ANGPT1: variants seen among roughly 807,000 people sequenced by gnomAD.
ANGPT1 encodes angiopoietin 1.
In ANGPT1, 17 loss-of-function variants were observed where a neutral mutation model predicts 62.2. The ratio of observed to expected loss-of-function variants is 0.27; its 90% CI spans 0.19 to 0.41. ANGPT1 has a LOEUF of 0.41. ANGPT1 is among the 10% of genes least tolerant of loss of function. ANGPT1 has a pLI of 1.00. For synonymous variants in ANGPT1, 199 were observed against 198.9 expected (o/e 1.00, Z 0.00); for missense variants, 478 against 594.9 (o/e 0.80, Z 2.04).
chr8:107,321,005 C>T (rs1586220778), intron 4 of ANGPT1, among the ~76,000 whole-genome samples: 1 of 152,088 alleles, frequency 6.6e-6, no homozygotes, highest in African/African-American at 2.4e-5. Flanking sequence ...TTCTCTTTCA[C>T]TCATCACCAT....
At chr8:107,413,346 C>G (rs1194868895) in intron 1 of ANGPT1, among the ~76,000 whole-genome samples, 1 of 152,082 alleles carries the variant, frequency 6.6e-6, no homozygotes, top group Non-Finnish European at 1.5e-5. Context: ...CCCCAGCCTT[C>G]CTGCCTCGAA....
At chr8:107,398,517 T>G (rs887940610) in intron 1 of ANGPT1, among the ~76,000 whole-genome samples, 1 of 136,062 alleles carries the variant, frequency 7.3e-6, no homozygotes, top group Non-Finnish European at 1.6e-5. Flanking sequence ...TTTTTTTTTT[T>G]GCTAAGTGTG....
Position 107,363,396 on chromosome 8 carries a change from G to A in ANGPT1, c.298-16299C>T, listed in dbSNP as rs116168126. ...ATACAGTTATCAATAAGAAGACAAT[G>A]AACAGCTAATACTAGCCACCATATT... On this transcript the variant is annotated intron_variant, in intron 1 of 8. Coordinates refer to ENST00000517746, the MANE Select transcript of ANGPT1 (RefSeq NM_001146.5). Among the ~76,000 whole-genome samples, 587 of 152,300 alleles carry A rather than the reference G, an allele frequency of 3.9e-3. 6 individuals carry two copies. The highest frequency in any genetic ancestry group is 0.014 in the African/African-American group (565 of 41,570).
chr8:107,448,126 G>A (rs1811667287), intron 1 of ANGPT1, among the ~76,000 whole-genome samples: 1 of 152,062 alleles, frequency 6.6e-6, no homozygotes, highest in African/African-American at 2.4e-5. Context: ...AATGAACTGT[G>A]GTATGGTATG....
At chr8:107,455,725 T>C (rs1811902911) in intron 1 of ANGPT1, among the ~76,000 whole-genome samples, 1 of 152,062 alleles carries the variant, frequency 6.6e-6, no homozygotes, top group Non-Finnish European at 1.5e-5. Flanking sequence ...TTGTTAAATA[T>C]TCCTTACCTG....
chr8:107,437,850 G>A (rs1362293289), intron 1 of ANGPT1, among the ~76,000 whole-genome samples: 1 of 152,056 alleles, frequency 6.6e-6, no homozygotes, highest in Non-Finnish European at 1.5e-5. Flanking sequence ...AAAAACTTTA[G>A]TGAAATTCAG....
At chr8:107,381,752 T>C (rs1654724) in intron 1 of ANGPT1, among the ~76,000 whole-genome samples, 72,137 of 151,666 alleles carry the variant, frequency 0.48, 18,957 homozygotes, top group Non-Finnish European at 0.59. Context: ...GACAACTGTA[T>C]ACTGGGACAG....
intron 4 of ANGPT1, among the ~76,000 whole-genome samples, chr8:107,316,953 GGT>G (rs1815027792): frequency 6.6e-6 from 1 of 152,106 alleles, no homozygotes; most frequent in Non-Finnish European, 1.5e-5. Context: ...TGCTAGACAT[GGT>G]AACTCCCTCA....
chr8:107,428,612 G>A (rs1035897658), intron 1 of ANGPT1, among the ~76,000 whole-genome samples: 1 of 151,150 alleles, frequency 6.6e-6, no homozygotes, highest in Non-Finnish European at 1.5e-5. Flanking sequence ...TATTGTAGTA[G>A]TGCTGGTAGT....
intron 1 of ANGPT1, among the ~76,000 whole-genome samples, chr8:107,373,330 T>C (rs778020446): frequency 6.6e-6 from 1 of 151,946 alleles, no homozygotes; most frequent in Non-Finnish European, 1.5e-5. Flanking sequence ...AACATACAAA[T>C]TTTGAAGGAA....
intron 1 of ANGPT1, among the ~76,000 whole-genome samples, chr8:107,368,454 T>A (rs1816321955): frequency 6.7e-6 from 1 of 149,644 alleles, no homozygotes; most frequent in Admixed American, 6.7e-5. Context: ...AAATGAGTAT[T>A]CCTTATACTT....
chr8:107,362,352 T>C (rs888423194), intron 1 of ANGPT1, among the ~76,000 whole-genome samples: 2 of 152,206 alleles, frequency 1.3e-5, no homozygotes, highest in Non-Finnish European at 2.9e-5. Context: ...GTAAAAAATA[T>C]ACTCAAAGTT....
At chr8:107,326,792 T>C (rs1286141467) in intron 3 of ANGPT1, among the ~76,000 whole-genome samples, 1 of 152,170 alleles carries the variant, frequency 6.6e-6, no homozygotes, top group Non-Finnish European at 1.5e-5. Context: ...CAGACCCTCA[T>C]GGATAGGTAA....
At chr8:107,450,741 T>C (rs1251727536) in intron 1 of ANGPT1, among the ~76,000 whole-genome samples, 1 of 151,338 alleles carries the variant, frequency 6.6e-6, no homozygotes, top group African/African-American at 2.4e-5. Context: ...CATGTGTGCA[T>C]GTGAATATAT....
intron 4 of ANGPT1, among the ~76,000 whole-genome samples, chr8:107,313,429 GTTTTTTTTTTTT>G (rs71308720): frequency 9.3e-5 from 6 of 64,182 alleles, no homozygotes; most frequent in African/African-American, 1.9e-4. Context: ...GTTACTAGTT[GTTTTTTTTTTTT>G]TTTTTTTTTT....
chr8:107,374,937 G>A (rs560683904), intron 1 of ANGPT1, among the ~76,000 whole-genome samples: 69 of 152,224 alleles, frequency 4.5e-4, no homozygotes, highest in South Asian at 2.3e-3. Context: ...CGAGGAGGGC[G>A]GATCACGAGG....
chr8:107,387,639 C>T (rs1586279870), intron 1 of ANGPT1, among the ~76,000 whole-genome samples: 1 of 112,808 alleles, frequency 8.9e-6, no homozygotes, highest in African/African-American at 2.8e-5. Context: ...TTGACACTAA[C>T]ATTGATTATT....
chr8:107,405,565 T>TTA (rs1817133012), intron 1 of ANGPT1, among the ~76,000 whole-genome samples: 1 of 151,986 alleles, frequency 6.6e-6, no homozygotes, highest in Non-Finnish European at 1.5e-5. Context: ...CAGGCTCTGT[T>TTA]TATAAGGTGT....
chr8:107,472,561 G>A (rs1282006960), intron 1 of ANGPT1, among the ~76,000 whole-genome samples: 1 of 151,954 alleles, frequency 6.6e-6, no homozygotes. Flanking sequence ...AATAAGAAAT[G>A]GCTATAATTT....
Sources: allele counts gnomAD v4.1 joint callset (sites outside exome capture counted in the v4.1 genomes callset), GRCh38; gene constraint gnomAD v4.1.1; transcripts MANE v1.5; gene names NCBI Gene and HGNC (gene_info 2026-07-23, HGNC 2026-07-21).